The following ADGRL2 variants were observed in gnomAD, a reference collection of about 807,000 sequenced individuals.
The protein encoded by ADGRL2 is adhesion G protein-coupled receptor L2.
ADGRL2 carries 44 observed loss-of-function variants against 157.4 expected under a neutral mutation model. That is an observed-to-expected ratio of 0.28 (90% CI 0.22 to 0.36). The LOEUF is 0.36. Among genes scored for constraint, ADGRL2 ranks in the 10% least tolerant of loss-of-function variants. ADGRL2 has a pLI of 1.00. For missense variants in ADGRL2, 1,510 were observed against 1,768.9 expected, an observed-to-expected ratio of 0.85 and a Z score of 2.63; for synonymous variants, 585 against 624.7, an observed-to-expected ratio of 0.94 and a Z score of 0.95.
chr1:81,518,827 T>A (rs2079243199), intron 2 of ADGRL2, among the ~76,000 whole-genome samples: 1 of 152,130 alleles, frequency 6.6e-6, no homozygotes, highest in African/African-American at 2.4e-5. Context: ...TTTATCTCTT[T>A]AGTTTGTTGT....
intron 2 of ADGRL2, among the ~76,000 whole-genome samples, chr1:81,863,329 T>C (rs1407366909): frequency 6.6e-6 from 1 of 152,194 alleles, no homozygotes; most frequent in African/African-American, 2.4e-5. Flanking sequence ...TTGTTGGAAC[T>C]TGGTTGCTTG....
chr1:81,386,337 G>A (rs543925738), intron 1 of ADGRL2, among the ~76,000 whole-genome samples: 3 of 152,118 alleles, frequency 2.0e-5, no homozygotes, highest in East Asian at 1.9e-4. Context: ...TTGGTGTGTG[G>A]TAAGGTAACA....
chr1:81,922,298 G>A (rs1278200482), intron 3 of ADGRL2, among the ~76,000 whole-genome samples: 3 of 152,064 alleles, frequency 2.0e-5, no homozygotes, highest in Admixed American at 2.0e-4. Context: ...GAGCATGTTC[G>A]CCAGTTTCTT....
intron 1 of ADGRL2, among the ~76,000 whole-genome samples, chr1:81,395,092 G>C (rs1570834698): frequency 1.3e-5 from 2 of 152,020 alleles, no homozygotes; most frequent in African/African-American, 4.8e-5. Flanking sequence ...TATATTTTTT[G>C]TAGCGACGGG....
chr1:81,858,668 G>C (rs1210725345), intron 2 of ADGRL2, among the ~76,000 whole-genome samples: 1 of 152,002 alleles, frequency 6.6e-6, no homozygotes, highest in East Asian at 1.9e-4. Flanking sequence ...TCAGAATTGG[G>C]GTTGAGTACT....
chr1:81,894,015 G>C (rs972358084), intron 2 of ADGRL2, among the ~76,000 whole-genome samples: 6 of 152,134 alleles, frequency 3.9e-5, no homozygotes, highest in African/African-American at 1.2e-4. Context: ...TTGGGAATTG[G>C]TTTCTGTCCA....
intron 2 of ADGRL2, among the ~76,000 whole-genome samples, chr1:81,787,209 A>T (rs1019313187): frequency 6.6e-6 from 1 of 152,132 alleles, no homozygotes; most frequent in Non-Finnish European, 1.5e-5. Flanking sequence ...GTATTTCTTT[A>T]TCAACAGTGA....
chr1:81,944,179 G>A (rs1231391596), intron 6 of ADGRL2, among the ~76,000 whole-genome samples: 1 of 152,044 alleles, frequency 6.6e-6, no homozygotes, highest in African/African-American at 2.4e-5. Context: ...TAGGCTTGAT[G>A]TACAATGCCA....
At chr1:81,623,719 C>T (rs1397122025) in intron 3 of ADGRL2, among the ~76,000 whole-genome samples, 2 of 149,000 alleles carry the variant, frequency 1.3e-5, no homozygotes, top group Non-Finnish European at 3.0e-5. Flanking sequence ...TCACTGCAAC[C>T]TCTGCCTCCC....
intron 2 of ADGRL2, among the ~76,000 whole-genome samples, chr1:81,852,356 G>T (rs893446112): frequency 6.6e-6 from 1 of 152,048 alleles, no homozygotes; most frequent in African/African-American, 2.4e-5. Flanking sequence ...CCAGGTAACC[G>T]CCTGGTAAGA....
At chr1:81,547,683 G>A (rs1194044985) in intron 2 of ADGRL2, among the ~76,000 whole-genome samples, 3 of 152,106 alleles carry the variant, frequency 2.0e-5, no homozygotes, top group Non-Finnish European at 4.4e-5. Flanking sequence ...TATTGTCTTG[G>A]CAAAGAAGTC....
chr1:81,760,362 C>A (rs1306821562), intron 1 of ADGRL2, among the ~76,000 whole-genome samples: 3 of 152,052 alleles, frequency 2.0e-5, no homozygotes, highest in African/African-American at 4.8e-5. Flanking sequence ...AATCTAACCC[C>A]TTTAGTAGTT....
At chr1:81,753,383 C>T (rs2085555796) in intron 1 of ADGRL2, among the ~76,000 whole-genome samples, 1 of 152,128 alleles carries the variant, frequency 6.6e-6, no homozygotes, top group South Asian at 2.1e-4. Flanking sequence ...AAATACCCGC[C>T]CCCATGATTC....
At chr1:81,471,554 TG>T (rs2078172898) in intron 2 of ADGRL2, among the ~76,000 whole-genome samples, 1 of 152,216 alleles carries the variant, frequency 6.6e-6, no homozygotes, top group Admixed American at 6.6e-5. Flanking sequence ...GAAGGGTTTC[TG>T]AGAATTTTAT....
At chr1:81,450,947 C>T (rs1213681822) in intron 2 of ADGRL2, among the ~76,000 whole-genome samples, 1 of 152,088 alleles carries the variant, frequency 6.6e-6, no homozygotes, top group Non-Finnish European at 1.5e-5. Flanking sequence ...CTCAATGGAG[C>T]TTCTTAATTT....
chr1:81,953,140 C>T, intron 10 of ADGRL2, 115 bp downstream of exon 10: 1 of 806,070 alleles, frequency 1.2e-6, no homozygotes, highest in East Asian at 2.5e-5. Flanking sequence ...ATAATGTGCC[C>T]CATATCAGCT....
At chr1:81,581,435 G>C (rs1312100607) in intron 3 of ADGRL2, among the ~76,000 whole-genome samples, 2 of 152,094 alleles carry the variant, frequency 1.3e-5, no homozygotes, top group Admixed American at 1.3e-4. Context: ...GAGTAAACTA[G>C]GTTATCTACT....
At chr1:81,785,922 A>C (rs1196242612) in intron 2 of ADGRL2, among the ~76,000 whole-genome samples, 1 of 151,624 alleles carries the variant, frequency 6.6e-6, no homozygotes, top group Non-Finnish European at 1.5e-5. Context: ...GCCTGGACAA[A>C]ATAGAGAGAC....
intron 1 of ADGRL2, among the ~76,000 whole-genome samples, chr1:81,389,599 A>T (rs1446179890): frequency 6.6e-6 from 1 of 152,210 alleles, no homozygotes; most frequent in Non-Finnish European, 1.5e-5. Flanking sequence ...AGAGGCCTGG[A>T]TTGGGAATGG....
Sources: allele counts gnomAD v4.1 joint callset (sites outside exome capture counted in the v4.1 genomes callset), GRCh38; gene constraint gnomAD v4.1.1; transcripts MANE v1.5; gene names NCBI Gene and HGNC (gene_info 2026-07-23, HGNC 2026-07-21).